KHDRBS3: variants seen among roughly 807,000 people sequenced by gnomAD.
KHDRBS3 encodes the protein KH RNA binding domain containing, signal transduction associated 3, also known as KH domain-containing, RNA-binding, signal transduction-associated protein 3.
A neutral mutation model predicts 45.6 loss-of-function variants in KHDRBS3; 23 were observed. That is an observed-to-expected ratio of 0.50 (90% CI 0.36 to 0.72). The LOEUF (loss-of-function observed/expected upper bound fraction) is 0.72, where lower values mean the gene tolerates loss of function less well. Ranked by LOEUF, KHDRBS3 falls within the 30% of genes least tolerant of loss-of-function variation. The pLI, the probability that KHDRBS3 is intolerant of heterozygous loss-of-function variation, is 0.00. For synonymous variants in KHDRBS3, 162 were observed against 156.5 expected (o/e 1.04, Z -0.26); for missense variants, 352 against 424.8 (o/e 0.83, Z 1.51).
At chr8:135,473,738 G>C (rs922011661) in intron 1 of KHDRBS3, among the ~76,000 whole-genome samples, 1 of 152,122 alleles carries the variant, frequency 6.6e-6, no homozygotes, top group Admixed American at 6.6e-5. Context: ...GAGCTCAGGG[G>C]CTTTCTTATT....
At chr8:135,572,892 G>C (rs1443500491) in intron 5 of KHDRBS3, among the ~76,000 whole-genome samples, 1 of 152,164 alleles carries the variant, frequency 6.6e-6, no homozygotes, top group Non-Finnish European at 1.5e-5. Flanking sequence ...GCAACCTTAG[G>C]CAAGGAAAAC....
chr8:135,509,708 TC>T (rs1824177364), intron 1 of KHDRBS3, among the ~76,000 whole-genome samples: 1 of 152,232 alleles, frequency 6.6e-6, no homozygotes, highest in Non-Finnish European at 1.5e-5. Context: ...TGTTTCTCTT[TC>T]CTGTCATAAT....
At chr8:135,606,356 G>T (rs4128215) in intron 6 of KHDRBS3, among the ~76,000 whole-genome samples, 1,628 of 152,114 alleles carry the variant, frequency 0.011, 26 homozygotes, top group African/African-American at 0.035. Context: ...CCCATTGTTT[G>T]TTCAGTTTTT....
intron 6 of KHDRBS3, among the ~76,000 whole-genome samples, chr8:135,599,671 G>A (rs1829119236): frequency 6.6e-6 from 1 of 152,160 alleles, no homozygotes; most frequent in South Asian, 2.1e-4. Context: ...TTACCCTTAA[G>A]GACCTTACAG....
At chr8:135,530,090 T>C (rs1374090131) in intron 2 of KHDRBS3, among the ~76,000 whole-genome samples, 2 of 151,566 alleles carry the variant, frequency 1.3e-5, no homozygotes, top group South Asian at 4.2e-4. Flanking sequence ...AAGTCTGTGA[T>C]GAATTTTGTT....
Position 135,573,781 on chromosome 8 carries a change from A to G in KHDRBS3, c.612-8097A>G, listed in dbSNP as rs531600351. Among the ~76,000 whole-genome samples the G allele has an allele frequency of 8.3e-4, 127 of 152,188 alleles. 2 individuals carry two copies. The highest frequency in any genetic ancestry group is 1.8e-4 in the Non-Finnish European group (12 of 67,996). ...CAAAGCATTCTTCCCATGGCAGCTC[A>G]CTACAAAAGCCTTCCTGGATTTTTT... On this transcript the variant is annotated intron_variant, in intron 5 of 8. Transcript: ENST00000355849.
intron 6 of KHDRBS3, among the ~76,000 whole-genome samples, chr8:135,599,378 C>T (rs1829106480): frequency 6.6e-6 from 1 of 152,170 alleles, no homozygotes; most frequent in East Asian, 1.9e-4. Context: ...ATACAGAGTT[C>T]CACAGGCAGT....
chr8:135,541,678 C>T (rs1411226248), intron 2 of KHDRBS3: 2 of 152,180 alleles, frequency 1.3e-5, no homozygotes, highest in Non-Finnish European at 2.9e-5. Context: ...AATCAAGCAT[C>T]TTGCCAAGGC....
chr8:135,504,970 T>G (rs529363874), intron 1 of KHDRBS3, among the ~76,000 whole-genome samples: 19 of 152,174 alleles, frequency 1.2e-4, no homozygotes, highest in Admixed American at 7.9e-4. Context: ...CTCTCAGCTC[T>G]TCAAGATGTA....
chr8:135,597,313 C>T (rs137946633), intron 6 of KHDRBS3, among the ~76,000 whole-genome samples: 37 of 152,236 alleles, frequency 2.4e-4, no homozygotes, highest in African/African-American at 8.7e-4. Context: ...CGCAAGAGGC[C>T]CAACTTCTTA....
At chr8:135,571,724 T>G (rs1035144081) in intron 5 of KHDRBS3, among the ~76,000 whole-genome samples, 2 of 152,018 alleles carry the variant, frequency 1.3e-5, no homozygotes, top group African/African-American at 4.8e-5. Flanking sequence ...AGCAGGGCGT[T>G]CGAGGCTGGG....
At chr8:135,462,931 C>T (rs1217268217) in intron 1 of KHDRBS3, among the ~76,000 whole-genome samples, 2 of 152,074 alleles carry the variant, frequency 1.3e-5, no homozygotes, top group African/African-American at 2.4e-5. Flanking sequence ...TTTTTATGTG[C>T]AGTTTGTTTT....
At chr8:135,600,922 A>G (rs1040758974) in intron 6 of KHDRBS3, among the ~76,000 whole-genome samples, 3 of 152,180 alleles carry the variant, frequency 2.0e-5, no homozygotes, top group Non-Finnish European at 4.4e-5. Context: ...GCTGGGTCTC[A>G]AACTCCTGGG....
chr8:135,579,811 A>T (rs1828119223), intron 5 of KHDRBS3, among the ~76,000 whole-genome samples: 1 of 152,212 alleles, frequency 6.6e-6, no homozygotes, highest in Non-Finnish European at 1.5e-5. Context: ...ATGTACCTGG[A>T]ATAAATCCTA....
chr8:135,551,957 A>G (rs1332622067), intron 4 of KHDRBS3, among the ~76,000 whole-genome samples: 3 of 152,254 alleles, frequency 2.0e-5, no homozygotes, highest in Admixed American at 6.5e-5. Flanking sequence ...TTGTTTCTCC[A>G]GCACTTTGAA....
intron 7 of KHDRBS3, among the ~76,000 whole-genome samples, chr8:135,618,640 A>G (rs1830014240): frequency 6.6e-6 from 1 of 152,108 alleles, no homozygotes; most frequent in Non-Finnish European, 1.5e-5. Flanking sequence ...ATGTGTACCC[A>G]GTGTTTTGAC....
intron 1 of KHDRBS3, among the ~76,000 whole-genome samples, chr8:135,500,077 C>G (rs1008716026): frequency 6.6e-5 from 10 of 152,048 alleles, no homozygotes; most frequent in Admixed American, 2.0e-4. Context: ...GTGATTTTTT[C>G]ATATCATTAA....
At chr8:135,586,010 AAATG>A (rs763761424) in intron 6 of KHDRBS3, among the ~76,000 whole-genome samples, 8 of 152,202 alleles carry the variant, frequency 5.3e-5, no homozygotes, top group African/African-American at 1.9e-4. Flanking sequence ...CACAGGTTAC[AAATG>A]AATAAGATTA....
rs1345509687 is a variant in KHDRBS3, at chr8:135,607,003, T to G, written c.856T>G (p.Ser286Ala). 1 of 1,613,648 alleles carries G rather than the reference T, an allele frequency of 6.2e-7. No individual in the cohort carries two copies. The highest frequency in any genetic ancestry group is 1.1e-5 in the South Asian group (1 of 90,992). ...GTAYDEQSYD[S>A]YDNSYSTPAQ... The stretch of plus-strand genomic sequence containing the variant: ...TGCTTATGATGAACAGAGTTATGAT[T>G]CCTATGATAACAGCTATAGCACCCC... Residue 286 changes from serine (S) to alanine (A), a missense_variant, in exon 7 of 9, where the codon TCC becomes GCC. Ser to Ala is a moderately conservative substitution (Grantham distance 99, BLOSUM62 1). This residue lies in a region of KHDRBS3 where 212 missense variants were observed against 209.6 expected (regional missense o/e 1.01). Coordinates refer to ENST00000355849, the MANE Select transcript of KHDRBS3 (RefSeq NM_006558.3).
Sources: gnomAD v4.1 joint callset for allele counts (sites outside exome capture counted in the v4.1 genomes callset) on GRCh38, gnomAD v4.1.1 for gene constraint, gnomAD v4.1.1 regional missense constraint, MANE v1.5 for transcripts, NCBI Gene and HGNC (gene_info 2026-07-23, HGNC 2026-07-21) for gene names.